Variants in ASPH observed in about 807,000 individuals in gnomAD.
ASPH encodes the protein aspartyl/asparaginyl beta-hydroxylase.
In ASPH, 100 loss-of-function variants were observed where a neutral mutation model predicts 118.4. The ratio of observed to expected loss-of-function variants is 0.84; its 90% CI spans 0.72 to 1.00. ASPH has a LOEUF of 1.00. ASPH is among the 50% of genes least tolerant of loss of function. ASPH has a pLI of 0.00. For missense variants in ASPH, 920 were observed against 919.5 expected, an observed-to-expected ratio of 1.00 and a Z score of -0.01; for synonymous variants, 315 against 325.6, an observed-to-expected ratio of 0.97 and a Z score of 0.35.
intron 14 of ASPH, among the ~76,000 whole-genome samples, chr8:61,618,100 C>A (rs922697038): frequency 6.6e-6 from 1 of 152,004 alleles, no homozygotes; most frequent in Non-Finnish European, 1.5e-5. Flanking sequence ...TTAAAAACAA[C>A]TAGTTAGAAA....
chr8:61,564,837 A>G (rs1563837129), intron 17 of ASPH, among the ~76,000 whole-genome samples: 1 of 152,220 alleles, frequency 6.6e-6, no homozygotes, highest in Non-Finnish European at 1.5e-5. Flanking sequence ...GAAAACTGAT[A>G]GGAGGGTCCA....
chr8:61,560,257 G>A (rs1469605121), intron 18 of ASPH, among the ~76,000 whole-genome samples: 1 of 152,144 alleles, frequency 6.6e-6, no homozygotes, highest in African/African-American at 2.4e-5. Flanking sequence ...AGCTGCTAAT[G>A]TTGCCAACTT....
intron 14 of ASPH, among the ~76,000 whole-genome samples, chr8:61,616,939 C>A (rs1432789588): frequency 1.3e-5 from 2 of 152,144 alleles, no homozygotes; most frequent in African/African-American, 4.8e-5. Context: ...CAATTCCTGG[C>A]ATGTAGTTGG....
At chr8:61,603,191 CAAAAAA>C (rs11336705) in intron 14 of ASPH, among the ~76,000 whole-genome samples, 1,418 of 61,368 alleles carry the variant, frequency 0.023, 17 homozygotes, top group African/African-American at 0.08. Context: ...AGACTTGTCT[CAAAAAA>C]AAAAAAAAAA....
At chr8:61,527,306 T>C (rs773806767) in intron 21 of ASPH, among the ~76,000 whole-genome samples, 4 of 152,210 alleles carry the variant, frequency 2.6e-5, no homozygotes, top group Non-Finnish European at 5.9e-5. Flanking sequence ...CACGAGATAA[T>C]GTGTAGAGTG....
chr8:61,707,461 G>A (rs1383995576), intron 1 of ASPH, among the ~76,000 whole-genome samples: 1 of 152,146 alleles, frequency 6.6e-6, no homozygotes, highest in Admixed American at 6.5e-5. Flanking sequence ...TGTGATGATG[G>A]CACAGAACAA....
intron 12 of ASPH, among the ~76,000 whole-genome samples, chr8:61,634,657 T>A (rs1330973004): frequency 6.6e-6 from 1 of 152,196 alleles, no homozygotes; most frequent in Non-Finnish European, 1.5e-5. Context: ...CAGTGACTAT[T>A]GAATAGCTAT....
chr8:61,534,552 C>T (rs1317343414), intron 21 of ASPH, among the ~76,000 whole-genome samples: 1 of 151,976 alleles, frequency 6.6e-6, no homozygotes, highest in Admixed American at 6.6e-5. Flanking sequence ...TCTTGTTGAC[C>T]TGGTTTCTTT....
chr8:61,533,888 A>C (rs1563726789), intron 21 of ASPH, among the ~76,000 whole-genome samples: 2 of 152,198 alleles, frequency 1.3e-5, no homozygotes, highest in East Asian at 1.9e-4. Flanking sequence ...TTGTCATTTA[A>C]GTGAGGTTTC....
chr8:61,584,544 T>C (rs188107052), intron 14 of ASPH, among the ~76,000 whole-genome samples: 28 of 152,346 alleles, frequency 1.8e-4, no homozygotes, highest in Admixed American at 1.6e-3. Flanking sequence ...TGTTCCATAC[T>C]TCAGCCAAAA....
At chr8:61,703,868 A>T (rs998823476) in intron 1 of ASPH, among the ~76,000 whole-genome samples, 2 of 152,170 alleles carry the variant, frequency 1.3e-5, no homozygotes, top group Admixed American at 6.5e-5. Flanking sequence ...TAGTTTTAAC[A>T]CTTACTGTAT....
chr8:61,579,550 G>C (rs922730370), intron 15 of ASPH: 2 of 1,535,714 alleles, frequency 1.3e-6, no homozygotes, highest in Non-Finnish European at 1.8e-6. Context: ...TCCAGCTTTG[G>C]CTCTGGCGCA....
intron 18 of ASPH, among the ~76,000 whole-genome samples, chr8:61,557,935 C>T (rs192540192): frequency 1.2e-3 from 176 of 152,340 alleles, no homozygotes; most frequent in Admixed American, 8.3e-3. Flanking sequence ...ATTATTACAG[C>T]TACACAGATG....
Position 61,576,768 on chromosome 8 carries a change from A to G in ASPH, c.1149+4T>C. ...GTGTCCTAAGGAGAAGGGTCTCAGA[A>G]TACCTGCGCCTTCCCATATCTTGCT... On this transcript the variant is annotated splice_donor_region_variant and intron_variant, in intron 16 of 24. Transcript: ENST00000379454. The G allele has an allele frequency of 6.2e-7, 1 of 1,605,546 alleles. No individual in the cohort carries two copies. The highest frequency in any genetic ancestry group is 2.2e-5 in the East Asian group (1 of 44,802).
chr8:61,616,359 T>C (rs1397396640), intron 14 of ASPH, among the ~76,000 whole-genome samples: 4 of 152,166 alleles, frequency 2.6e-5, no homozygotes, highest in African/African-American at 7.2e-5. Context: ...GAGCTCACAA[T>C]TGCAACTGCC....
intron 24 of ASPH, among the ~76,000 whole-genome samples, chr8:61,507,901 T>C (rs142899511): frequency 6.6e-6 from 1 of 152,288 alleles, no homozygotes; most frequent in Non-Finnish European, 1.5e-5. Context: ...TACAGCCTTG[T>C]CTAAGGACCC....
chr8:61,626,519 T>C (rs894646776), intron 13 of ASPH, among the ~76,000 whole-genome samples: 1 of 152,074 alleles, frequency 6.6e-6, no homozygotes, highest in Admixed American at 6.6e-5. Flanking sequence ...GAATTAAAAC[T>C]GAACTGAATA....
intron 21 of ASPH, among the ~76,000 whole-genome samples, chr8:61,530,015 T>C (rs1274571436): frequency 6.6e-6 from 1 of 152,170 alleles, no homozygotes; most frequent in Non-Finnish European, 1.5e-5. Flanking sequence ...CATATCAGCG[T>C]ATGTGTGTGC....
At position 61,500,678 on chromosome 8, in the gene ASPH, T is replaced by C. The variant is rs1804693953; in HGVS notation, c.*2681A>G. ...ATATATGATATCCTTACTTGTGCCA[T>C]GTTTTCCAAGACCAGTGCATATTTT... is the stretch of plus-strand genomic sequence containing the variant. On this transcript the variant is annotated 3_prime_UTR_variant, in exon 25 of 25. Coordinates refer to ENST00000379454, the MANE Select transcript of ASPH (RefSeq NM_004318.4). The C allele has an allele frequency of 6.6e-6, 1 of 152,252 alleles. No homozygotes were observed. Among genetic ancestry groups the C allele is most frequent in the Non-Finnish European group, 1.5e-5 (1 of 68,042 alleles). 9.4% of individuals were successfully genotyped at this position (152,252 alleles called of 1,614,324 possible). A position where few individuals can be genotyped will look rare whatever the true frequency, so the allele number is the denominator to read the frequency against.
Sources: allele counts gnomAD v4.1 joint callset (sites outside exome capture counted in the v4.1 genomes callset), GRCh38; gene constraint gnomAD v4.1.1; transcripts MANE v1.5; gene names NCBI Gene and HGNC (gene_info 2026-07-23, HGNC 2026-07-21).